Variants in SETD1B observed in about 807,000 individuals in gnomAD.
SETD1B encodes histone-lysine N-methyltransferase SETD1B.
In SETD1B, 7 loss-of-function variants were observed where a neutral mutation model predicts 148.0. The ratio of observed to expected loss-of-function variants is 0.05; its 90% CI spans 0.03 to 0.09. SETD1B has a LOEUF of 0.09. Among genes scored for constraint, SETD1B ranks in the 10% least tolerant of loss-of-function variants. The probability of loss-of-function intolerance (pLI) is 1.00; values close to 1 mark genes in which losing one functional copy is unlikely to be tolerated. For synonymous variants in SETD1B, 1,361 were observed against 1,186.5 expected (o/e 1.15, Z -3.02); for missense variants, 2,155 against 2,729.9 (o/e 0.79, Z 4.69).
Position 121,810,649 on chromosome 12 carries a change from C to A in SETD1B, c.1704C>A (p.Gly568=). 6.5e-7 allele frequency: 1 copy of A among 1,549,200 alleles called. No individual in the cohort carries two copies. The change falls in exon 6 of 17, where the codon GGC becomes GGA. Residue 568 remains glycine (G), a synonymous_variant. Transcript: ENST00000604567. The surrounding 1 kb of genome is among the most constrained non-coding windows in gnomAD (Gnocchi z 7.6). ...TPPSSRPSST[G]LEDISPTPLP... Reference sequence around the variant, plus strand: ...CCTCGTCACGCCCCTCCAGCACCGGCCTGGAGGATATCAGCCCAACACCCC... The same window carrying A: ...CCTCGTCACGCCCCTCCAGCACCGGACTGGAGGATATCAGCCCAACACCCC...
At position 121,804,643 on chromosome 12, in the gene SETD1B, C is replaced by G. The variant is rs1469076865; in HGVS notation, c.-14-81C>G. On this transcript the variant is annotated intron_variant, in intron 1 of 16. Transcript: ENST00000604567. The surrounding 1 kb of genome is among the most constrained non-coding windows in gnomAD (Gnocchi z 4.6). ...AAGGTGGGAGGGGGTGGGGGCCTGC[C>G]GATTGGATTCTTTCGCGTGTGTGTA... is the stretch of plus-strand genomic sequence containing the variant. 7.9e-7 allele frequency: 1 copy of G among 1,266,212 alleles called. No individual in the cohort carries two copies. Among genetic ancestry groups the G allele is most frequent in the African/African-American group, 1.5e-5 (1 of 65,996 alleles). 78.4% of individuals were successfully genotyped at this position (1,266,212 alleles called of 1,614,324 possible). A position where few individuals can be genotyped will look rare whatever the true frequency, so the allele number is the denominator to read the frequency against.
intron 12 of SETD1B, among the ~76,000 whole-genome samples, chr12:121,824,524 A>G (rs539506789): frequency 2.6e-4 from 39 of 152,242 alleles, no homozygotes; most frequent in African/African-American, 7.7e-4. Flanking sequence ...GCACATGCCT[A>G]TAATTCCAGC....
At position 121,830,399 on chromosome 12, in the gene SETD1B, A is replaced by G; in HGVS notation, c.*160A>G. The G allele has an allele frequency of 1.6e-6, 1 of 631,590 alleles. No homozygotes were observed. Among genetic ancestry groups the G allele is most frequent in the Non-Finnish European group, 2.7e-6 (1 of 376,932 alleles). 39.1% of individuals were successfully genotyped at this position (631,590 alleles called of 1,614,324 possible). ...CCTGGCGCCCCACACTACCCCCTGG[A>G]GCCCCTGGCTCCGGCCCCTCCGCGG... On this transcript the variant is annotated 3_prime_UTR_variant, in exon 17 of 17. Coordinates refer to ENST00000604567, the MANE Select transcript of SETD1B (RefSeq NM_001353345.2). The surrounding 1 kb of genome is among the most constrained non-coding windows in gnomAD (Gnocchi z 5.7).
Position 121,830,336 on chromosome 12 carries a change from A to T in SETD1B, c.*97A>T. On this transcript the variant is annotated 3_prime_UTR_variant, in exon 17 of 17. Coordinates refer to ENST00000604567, the MANE Select transcript of SETD1B (RefSeq NM_001353345.2). The surrounding 1 kb of genome is among the most constrained non-coding windows in gnomAD (Gnocchi z 5.7). ...GGCCCGGCCCCCCGCGCCCGCCCCC[A>T]TTTCAGGTGCTGTCCTCTACCCAGC... is the stretch of plus-strand genomic sequence containing the variant. 1 of 1,223,724 alleles carries T rather than the reference A, an allele frequency of 8.2e-7. No homozygotes were observed. The highest frequency in any genetic ancestry group is 1.1e-6 in the Non-Finnish European group (1 of 893,064). The allele number at this position is 1,223,724 out of a possible 1,614,324, so 75.8% of individuals were successfully genotyped here.
upstream of SETD1B, chr12:121,799,687 G>C (rs1255829039): frequency 7.0e-6 from 1 of 142,348 alleles, no homozygotes; most frequent in Non-Finnish European, 1.5e-5. Flanking sequence ...GGCCCCGGCG[G>C]CCCAGCAGGC....
rs1875999065 is a variant in SETD1B at position 121,810,827 on chromosome 12, A to G, written c.1882A>G (p.Met628Val). Residue 628 changes from methionine (M) to valine (V), a missense_variant, in exon 6 of 17, where the codon ATG becomes GTG. By Grantham distance (21) the Met-to-Val change is conservative. Transcript: ENST00000604567. The surrounding 1 kb of genome is among the most constrained non-coding windows in gnomAD (Gnocchi z 7.6). The stretch of plus-strand genomic sequence containing the variant: ...AGACAGAACCCCGACCTCAGAGAAG[A>G]TGGATGAGGTACCACCGTGTCTGTC... ...VGDRTPTSEK[M>V]DEGQQSSGED... is the part of the protein sequence containing the mutation. The G allele has an allele frequency of 6.6e-7, 1 of 1,506,092 alleles. No homozygotes were observed. The highest frequency in any genetic ancestry group is 1.4e-5 in the African/African-American group (1 of 71,594). The allele number at this position is 1,506,092 out of a possible 1,614,324, so 93.3% of individuals were successfully genotyped here.
At chr12:121,809,021 C>G (rs1875880895) in intron 5 of SETD1B, among the ~76,000 whole-genome samples, 1 of 152,192 alleles carries the variant, frequency 6.6e-6, no homozygotes, top group East Asian at 1.9e-4. Context: ...AGGCACACGC[C>G]ACCACACCTG....
chr12:121,818,880 A>G (rs1052627613), intron 10 of SETD1B, among the ~76,000 whole-genome samples: 4 of 141,292 alleles, frequency 2.8e-5, no homozygotes, highest in African/African-American at 1.1e-4. Flanking sequence ...ACAGAGCGAG[A>G]CTCCGTCTCA....
At chr12:121,801,452 A>C (rs1039018177), upstream of SETD1B, 4 of 152,432 alleles carry the variant, frequency 2.6e-5, no homozygotes, top group African/African-American at 9.7e-5. Flanking sequence ...TCCGGCTGCC[A>C]AATACAATGC....
chr12:121,813,182 C>CG (rs1239940925), intron 6 of SETD1B, among the ~76,000 whole-genome samples: 3 of 152,200 alleles, frequency 2.0e-5, no homozygotes, highest in African/African-American at 7.2e-5. Context: ...TCAAATGGGT[C>CG]GGAGCAGAGC....
In SETD1B at chr12:121,817,238, C is replaced by T; in HGVS notation, c.2921C>T (p.Ser974Leu). 11 of 1,551,064 alleles carry T rather than the reference C, an allele frequency of 7.1e-6. No homozygotes were observed. Among genetic ancestry groups the T allele is most frequent in the Non-Finnish European group, 9.6e-6 (11 of 1,146,958 alleles). ...VKRKEPPDTTSSGDQKRLRPS... is the reference protein window; with the variant it reads ...VKRKEPPDTTLSGDQKRLRPS... ...AGGAAGGAGCCACCAGACACCACCT[C>T]ATCTGGCGACCAGAAGCGGCTGCGG... The change falls in exon 8 of 17, where the codon TCA becomes TTA. Residue 974 changes from serine to leucine, a missense_variant. Ser to Leu is a moderately radical substitution (Grantham distance 145). Around this residue, in one of 11 missense-constraint regions of SETD1B, gnomAD observed 289 missense variants for 423.7 expected, o/e 0.68. Coordinates refer to ENST00000604567, the MANE Select transcript of SETD1B (RefSeq NM_001353345.2). This position sits in a 1 kb window ranked among gnomAD's most constrained non-coding sequence, Gnocchi z 8.1.
In SETD1B at chr12:121,810,343, C is replaced by T. The variant is rs1389790181; in HGVS notation, c.1398C>T (p.Gly466=). 1.3e-5 allele frequency: 20 copies of T among 1,546,128 alleles called. No homozygotes were observed. Among genetic ancestry groups the T allele is most frequent in the Non-Finnish European group, 1.7e-5 (19 of 1,146,696 alleles). ...ACACCAACAGCATGGAGCTGGGCGG[C>T]CGGCCCACCTTCGGCTGGAGTCCTG... ...PPDTNSMELG[G]RPTFGWSPEP... Residue 466 remains glycine (G), a synonymous_variant, in exon 6 of 17, where the codon GGC becomes GGT. Coordinates refer to ENST00000604567, the MANE Select transcript of SETD1B (RefSeq NM_001353345.2). This position sits in a 1 kb window ranked among gnomAD's most constrained non-coding sequence, Gnocchi z 7.6.
the SETD1B span, chr12:121,793,533 G>T: frequency 1.9e-6 from 3 of 1,544,592 alleles, no homozygotes; most frequent in African/African-American, 2.7e-5. Context: ...CATGAGCAGC[G>T]AGGTCTTGCC....
chr12:121,799,861 TGTCAGA>T (rs1490147298), upstream of SETD1B: 4 of 152,086 alleles, frequency 2.6e-5, no homozygotes, highest in Admixed American at 6.5e-5. Context: ...GTGGGAGGAC[TGTCAGA>T]GTCAAACTAG....
At chr12:121,828,902 C>T (rs144881686) in intron 16 of SETD1B, among the ~76,000 whole-genome samples, 19 of 152,348 alleles carry the variant, frequency 1.2e-4, no homozygotes, top group Middle Eastern at 3.4e-3. Flanking sequence ...TGGCTCTCTT[C>T]GTTGTGACTT....
At chr12:121,827,310 C>T (rs574986554) in intron 13 of SETD1B, among the ~76,000 whole-genome samples, 2 of 152,186 alleles carry the variant, frequency 1.3e-5, no homozygotes, top group East Asian at 1.9e-4. Context: ...GAGTGAGTCT[C>T]GTCGTTTTGA....
At chr12:121,793,899 C>A in the SETD1B span, 3 of 339,468 alleles carry the variant, frequency 8.8e-6, no homozygotes, top group East Asian at 1.5e-4. Context: ...CCCAACCCAC[C>A]GCCACCCTCC....
In SETD1B at chr12:121,809,657, T is replaced by G; in HGVS notation, c.712T>G (p.Ser238Ala). Reference protein sequence around the residue: ...KDGGLSAGCGSGSSSVTPNSG... With the variant: ...KDGGLSAGCGAGSSSVTPNSG... ...TGGAGGCCTGTCTGCAGGCTGTGGC[T>G]CCGGCTCCTCCTCTGTCACCCCCAA... The change falls in exon 6 of 17, where the codon TCC becomes GCC. Residue 238 changes from serine (S) to alanine (A), a missense_variant. Physicochemically the swap from Ser to Ala is moderately conservative, Grantham distance 99 (BLOSUM62 1). Around this residue, in one of 11 missense-constraint regions of SETD1B, gnomAD observed 376 missense variants for 385.0 expected, o/e 0.98. Transcript: ENST00000604567. 5 of 1,551,638 alleles carry G rather than the reference T, an allele frequency of 3.2e-6. No individual in the cohort carries two copies. The highest frequency in any genetic ancestry group is 4.4e-6 in the Non-Finnish European group (5 of 1,146,980).
intron 6 of SETD1B, among the ~76,000 whole-genome samples, chr12:121,812,826 G>A (rs900581879): frequency 7.2e-5 from 11 of 152,058 alleles, no homozygotes; most frequent in Non-Finnish European, 1.3e-4. Context: ...GCTTCCTGCC[G>A]CTGCCTTAGT....
Sources: allele counts gnomAD v4.1 joint callset (sites outside exome capture counted in the v4.1 genomes callset), GRCh38; gene constraint gnomAD v4.1.1; regional missense constraint gnomAD v4.1.1; non-coding constraint Gnocchi (gnomAD v3.1); transcripts MANE v1.5; gene names NCBI Gene and HGNC (gene_info 2026-07-23, HGNC 2026-07-21).